The following ZNF48 variants were observed in gnomAD, a reference collection of about 807,000 sequenced individuals.
ZNF48 encodes zinc finger protein 48, also known as zinc finger protein 553.
In ZNF48, 20 loss-of-function variants were observed where a neutral mutation model predicts 40.0. The ratio of observed to expected loss-of-function variants is 0.50; its 90% CI spans 0.35 to 0.73. ZNF48 has a LOEUF of 0.73. ZNF48 is among the 30% of genes least tolerant of loss of function. The pLI is 0.01. For missense variants in ZNF48, 726 were observed against 851.9 expected (o/e 0.85, Z 1.84); for synonymous variants, 298 against 329.7 (o/e 0.90, Z 1.04).
rs1358266833 is a variant in ZNF48, at chr16:30,399,039, A to C, written c.1789A>C (p.Thr597Pro). 1.2e-5 allele frequency: 19 copies of C among 1,613,046 alleles called. No individual in the cohort carries two copies. The highest frequency in any genetic ancestry group is 2.7e-5 in the African/African-American group (2 of 74,826). ...GCACCAGCGTGGGCACCTGGTCCTG[A>C]CGCCCTTTGGGATAGGGGATGGTAG... is the stretch of plus-strand genomic sequence containing the variant. ...IKHQRGHLVLTPFGIGDGRAR... is the reference protein window; with the variant it reads ...IKHQRGHLVLPPFGIGDGRAR... The change falls in exon 3 of 3, where the codon ACG becomes CCG. Residue 597 changes from threonine to proline, a missense_variant. Coordinates refer to ENST00000613509, the MANE Select transcript of ZNF48 (RefSeq NM_001214909.2).
intron 1 of ZNF48, chr16:30,379,305 C>T (rs2049805049): frequency 6.9e-7 from 1 of 1,448,036 alleles, no homozygotes; most frequent in African/African-American, 1.4e-5. Context: ...GGTCTGCAGC[C>T]CAGCGACCCC....
At chr16:30,380,678 G>A (rs985854213) in intron 1 of ZNF48, 1 of 175,866 alleles carries the variant, frequency 5.7e-6, no homozygotes, top group African/African-American at 2.4e-5. Context: ...GCTGAGGCAG[G>A]AGGATCACTT....
chr16:30,385,508 C>T (rs2049894365), intron 1 of ZNF48, among the ~76,000 whole-genome samples: 2 of 151,956 alleles, frequency 1.3e-5, no homozygotes, highest in Admixed American at 1.3e-4. Context: ...GCCTGTAATC[C>T]CAGCTACTTG....
At chr16:30,393,753 T>C (rs1337266742), upstream of ZNF48, among the ~76,000 whole-genome samples, 1 of 151,832 alleles carries the variant, frequency 6.6e-6, no homozygotes, top group Non-Finnish European at 1.5e-5. Flanking sequence ...TCTCGCTCTA[T>C]TACCCAGGCT....
intron 1 of ZNF48, among the ~76,000 whole-genome samples, chr16:30,389,440 G>A (rs923379645): frequency 4.0e-5 from 6 of 151,072 alleles, no homozygotes; most frequent in African/African-American, 1.5e-4. Flanking sequence ...GGGCATGGTG[G>A]TGCGCGCCTG....
chr16:30,399,197 G>A lies in ZNF48; in HGVS notation c.*90G>A, dbSNP rs2050028103. 8.1e-7 allele frequency: 1 copy of A among 1,233,520 alleles called. No individual in the cohort carries two copies. Among genetic ancestry groups the A allele is most frequent in the East Asian group, 2.4e-5 (1 of 41,764 alleles). 76.4% of individuals were successfully genotyped at this position (1,233,520 alleles called of 1,614,324 possible). ...GAAAGGGCCTGGGAGGTGGTGGGAG[G>A]GAGAAGGAAGGGAAGAAAGGGGAGG... On this transcript the variant is annotated 3_prime_UTR_variant, in exon 3 of 3. Transcript: ENST00000613509.
rs926910957 is a variant in ZNF48 at position 30,382,911 on chromosome 16, C to T, written c.-16+4501C>T. On this transcript the variant is annotated intron_variant, in intron 1 of 2. Coordinates refer to the ZNF48 transcript ENST00000528032. This position sits in a 1 kb window ranked among gnomAD's most constrained non-coding sequence, Gnocchi z 4.8. ...TTCCCAGGACGGGCAAGGTGGCTCT[C>T]GCCTGTAATCTCAGCACTTTGGGAG... is the stretch of plus-strand genomic sequence containing the variant. 3.9e-5 allele frequency: 34 copies of T among 868,464 alleles called. No homozygotes were observed. The highest frequency in any genetic ancestry group is 6.6e-5 in the African/African-American group (4 of 60,242). 53.8% of individuals were successfully genotyped at this position (868,464 alleles called of 1,614,324 possible).
Position 30,399,340 on chromosome 16 carries a change from C to A in ZNF48, c.*233C>A. 2.1e-6 allele frequency: 1 copy of A among 485,614 alleles called. No homozygotes were observed. The highest frequency in any genetic ancestry group is 3.6e-6 in the Non-Finnish European group (1 of 274,540). 30.1% of individuals were successfully genotyped at this position (485,614 alleles called of 1,614,324 possible). On this transcript the variant is annotated 3_prime_UTR_variant, in exon 3 of 3. Transcript: ENST00000613509. The stretch of plus-strand genomic sequence containing the variant: ...TGTACCCCTGGCTTCTAGAAGACTG[C>A]CTAGCACACAGTAGGCATTCAATAC...
chr16:30,380,370 T>G, intron 1 of ZNF48: 1 of 161,078 alleles, frequency 6.2e-6, no homozygotes, highest in Non-Finnish European at 1.4e-5. Context: ...GGCTCCATCT[T>G]GGTTCACTGC....
chr16:30,387,124 T>C (rs1291772797), intron 1 of ZNF48, among the ~76,000 whole-genome samples: 2 of 150,580 alleles, frequency 1.3e-5, no homozygotes, highest in Non-Finnish European at 3.0e-5. Flanking sequence ...TTTGTATTTT[T>C]AGTAGAGACA....
At chr16:30,379,975 G>C (rs773348387) in intron 1 of ZNF48, 1 of 1,608,412 alleles carries the variant, frequency 6.2e-7, no homozygotes, top group South Asian at 1.1e-5. Flanking sequence ...ATCTTCATCA[G>C]AGTCACATTC....
chr16:30,393,432 T>C (rs542594281), upstream of ZNF48, among the ~76,000 whole-genome samples: 14 of 151,728 alleles, frequency 9.2e-5, no homozygotes, highest in South Asian at 2.9e-3. Flanking sequence ...TCACCCAGGC[T>C]GGAATGCAGT....
rs573433521 is a variant in ZNF48 at position 30,397,978 on chromosome 16, G to T, written c.728G>T (p.Arg243Leu). The change falls in exon 3 of 3, where the codon CGG (arginine) becomes CTG (leucine). Residue 243 changes from arginine (R) to leucine (L), a missense_variant. Transcript: ENST00000613509. The surrounding 1 kb of genome is among the most constrained non-coding windows in gnomAD (Gnocchi z 4.1). ...CGCATCAAGCACCAGCGGACACACC[G>T]GGGGGAGCAGCCCCCCCGACCAGTG... Reference protein sequence around the residue: ...SARIKHQRTHRGEQPPRPVVP... With the variant: ...SARIKHQRTHLGEQPPRPVVP... The T allele has an allele frequency of 1.9e-5, 31 of 1,613,576 alleles. No homozygotes were observed. In the South Asian group the frequency reaches 2.5e-4, roughly 13 times the overall value.
At position 30,395,588 on chromosome 16, in the gene ZNF48, G is replaced by A; in HGVS notation, c.-16+10G>A. 3 of 243,654 alleles carry A rather than the reference G, an allele frequency of 1.2e-5. No homozygotes were observed. The highest frequency in any genetic ancestry group is 2.2e-5 in the Non-Finnish European group (3 of 136,206). The allele number at this position is 243,654 out of a possible 1,614,324, so 15.1% of individuals were successfully genotyped here. A position where few individuals can be genotyped will look rare whatever the true frequency, so the allele number is the denominator to read the frequency against. On this transcript the variant is annotated intron_variant, in intron 1 of 2. Coordinates refer to ENST00000613509, the MANE Select transcript of ZNF48 (RefSeq NM_001214909.2). The surrounding 1 kb of genome is among the most constrained non-coding windows in gnomAD (Gnocchi z 5.9). ...GGAGGCGGCCGGCAAGGTGAGAGCG[G>A]CGGCTGCGCGCTGGGAGGAGCAGCA... is the stretch of plus-strand genomic sequence containing the variant.
Position 30,381,851 on chromosome 16 carries a change from G to C in ZNF48, c.-16+3441G>C. 1.2e-6 allele frequency: 2 copies of C among 1,614,160 alleles called. No homozygotes were observed. Among genetic ancestry groups the C allele is most frequent in the Non-Finnish European group, 1.7e-6 (2 of 1,180,024 alleles). ...CCCCCTTCCTCAATCTCTACGCCCCGGCGCTCAATGGCCAGGGTCTGTGTC... is the reference window on the plus strand; with the variant it reads ...CCCCCTTCCTCAATCTCTACGCCCCCGCGCTCAATGGCCAGGGTCTGTGTC... On this transcript the variant is annotated intron_variant, in intron 1 of 2. Transcript: ENST00000528032. This position sits in a 1 kb window ranked among gnomAD's most constrained non-coding sequence, Gnocchi z 4.3.
upstream of ZNF48, among the ~76,000 whole-genome samples, chr16:30,390,727 T>C (rs369009255): frequency 5.9e-4 from 89 of 149,812 alleles, no homozygotes; most frequent in African/African-American, 2.2e-3. Flanking sequence ...TTCATGCCAT[T>C]ATCCTGCCTC....
At chr16:30,388,153 T>C (rs1043222856) in intron 1 of ZNF48, among the ~76,000 whole-genome samples, 2 of 151,970 alleles carry the variant, frequency 1.3e-5, no homozygotes, top group Non-Finnish European at 2.9e-5. Context: ...TTTGTATTTT[T>C]AGTAGAGATG....
intron 1 of ZNF48, chr16:30,379,753 C>T: frequency 3.5e-6 from 2 of 578,878 alleles, no homozygotes; most frequent in East Asian, 6.0e-5. Context: ...ATTACAGGCG[C>T]CCACCATCAC....
upstream of ZNF48, among the ~76,000 whole-genome samples, chr16:30,393,096 G>A (rs1019726546): frequency 2.0e-5 from 3 of 150,658 alleles, no homozygotes; most frequent in African/African-American, 7.3e-5. Flanking sequence ...TTTTTCTTGA[G>A]ATGAAGTCTC....
Sources: allele counts gnomAD v4.1 joint callset (sites outside exome capture counted in the v4.1 genomes callset), GRCh38; gene constraint gnomAD v4.1.1; non-coding constraint Gnocchi (gnomAD v3.1); transcripts MANE v1.5; gene names NCBI Gene and HGNC (gene_info 2026-07-23, HGNC 2026-07-21).